The following LRCH2 variants were observed in gnomAD, a reference collection of about 807,000 sequenced individuals.
LRCH2 encodes the protein leucine rich repeats and calponin homology domain containing 2.
Under a neutral mutation model 68.9 loss-of-function variants are expected in LRCH2, and 38 were observed. The ratio of observed to expected loss-of-function variants is 0.55; its 90% CI spans 0.43 to 0.72. The LOEUF (loss-of-function observed/expected upper bound fraction) is 0.72, where lower values mean the gene tolerates loss of function less well. Ranked by LOEUF, LRCH2 falls within the 30% of genes least tolerant of loss-of-function variation. The probability of loss-of-function intolerance (pLI) is 0.00; values close to 1 mark genes in which losing one functional copy is unlikely to be tolerated. For missense variants in LRCH2, 528 were observed against 572.9 expected (o/e 0.92, Z 0.80); for synonymous variants, 191 against 208.1 (o/e 0.92, Z 0.71).
At chrX:115,220,913 C>A (rs1162836770) in intron 1 of LRCH2, among the ~76,000 whole-genome samples, 1 of 108,979 alleles carries the variant, frequency 9.2e-6, no homozygotes, top group African/African-American at 3.3e-5. Flanking sequence ...ACCGGCCAGG[C>A]GCAGTGGCTC....
Position 115,170,987 on chromosome X carries a change from A to C in LRCH2, c.865-555T>G, listed in dbSNP as rs782687731. Reference sequence around the variant, plus strand: ...TCAATTCAACTAGAATAATATCCTAAGAAATTACTTTCGTTGGCCATAGAG... The same window carrying C: ...TCAATTCAACTAGAATAATATCCTACGAAATTACTTTCGTTGGCCATAGAG... On this transcript the variant is annotated intron_variant, in intron 5 of 20. Coordinates refer to ENST00000317135, the MANE Select transcript of LRCH2 (RefSeq NM_020871.4). Among the ~76,000 whole-genome samples, 281 of 111,570 alleles carry C rather than the reference A, an allele frequency of 2.5e-3. 1 individual carries two copies. Among genetic ancestry groups the C allele is most frequent in the African/African-American group, 6.7e-3 (208 of 30,858 alleles).
intron 20 of LRCH2, among the ~76,000 whole-genome samples, chrX:115,118,389 C>T (rs1414453237): frequency 3.6e-5 from 4 of 109,971 alleles, no homozygotes; most frequent in African/African-American, 1.3e-4. Context: ...ACTACAAACA[C>T]CTCTACGCAA....
At chrX:115,203,293 A>G (rs1439780512) in intron 1 of LRCH2, among the ~76,000 whole-genome samples, 1 of 112,098 alleles carries the variant, frequency 8.9e-6, no homozygotes, top group African/African-American at 3.2e-5. Flanking sequence ...CATGGCAATT[A>G]TAATTCAATA....
chrX:115,141,048 C>T (rs781846632), intron 14 of LRCH2, among the ~76,000 whole-genome samples: 9 of 106,464 alleles, frequency 8.5e-5, no homozygotes, highest in Non-Finnish European at 1.5e-4. Flanking sequence ...CTGGCTAACA[C>T]GGTGAAACCC....
At chrX:115,135,687 GCTAT>G (rs1556531772) in intron 14 of LRCH2, among the ~76,000 whole-genome samples, 2 of 111,401 alleles carry the variant, frequency 1.8e-5, no homozygotes, top group African/African-American at 6.5e-5. Context: ...TACGTAAAAT[GCTAT>G]CTAACAGCAT....
At chrX:115,214,116 T>C (rs1384726447) in intron 1 of LRCH2, among the ~76,000 whole-genome samples, 1 of 112,343 alleles carries the variant, frequency 8.9e-6, no homozygotes, top group Admixed American at 9.5e-5. Flanking sequence ...AAATTAAATG[T>C]TCTCTGTTCT....
rs782161295 is a variant in LRCH2 at position 115,123,089 on chromosome X, T to A, written c.1953A>T (p.Gln651His). 12 of 1,205,450 alleles carry A rather than the reference T, an allele frequency of 1.0e-5. No homozygotes were observed. In the African/African-American group the frequency reaches 2.1e-4, roughly 21 times the overall value. ...GAGCAATCTGACTTACGTTGCGAAG[T>A]TGTCGTATTTGCTCTCGCTCTTCCC... ...HLREEREQIR[Q>H]LRNNLESRLK... The change falls in exon 18 of 21, where the codon CAA becomes CAT. Residue 651 changes from glutamine to histidine, a missense_variant. By Grantham distance (24) the Gln-to-His change is conservative. Transcript: ENST00000317135.
chrX:115,204,877 T>C (rs1336125759), intron 1 of LRCH2, among the ~76,000 whole-genome samples: 2 of 111,933 alleles, frequency 1.8e-5, no homozygotes, highest in Admixed American at 1.9e-4. Flanking sequence ...CTCTGCCCAT[T>C]ACCCAGTTCC....
intron 1 of LRCH2, among the ~76,000 whole-genome samples, chrX:115,196,961 G>A (rs1396945022): frequency 9.1e-6 from 1 of 110,108 alleles, no homozygotes; most frequent in Non-Finnish European, 1.9e-5. Context: ...ACCTGATGAT[G>A]GGCCCATCAG....
At chrX:115,164,740 A>G (rs1199325918) in intron 10 of LRCH2, among the ~76,000 whole-genome samples, 1 of 111,172 alleles carries the variant, frequency 9.0e-6, no homozygotes, top group East Asian at 2.8e-4. Flanking sequence ...ACCCTACAGG[A>G]TTTTAATGAA....
intron 20 of LRCH2, among the ~76,000 whole-genome samples, chrX:115,118,142 T>C (rs1329641353): frequency 2.7e-5 from 3 of 109,563 alleles, no homozygotes; most frequent in African/African-American, 9.9e-5. Flanking sequence ...AGCTCAGGAG[T>C]TCCAGTCCAG....
rs782063277 is a variant in LRCH2 at position 115,147,155 on chromosome X, G to A, written c.1695+2672C>T. 8.1e-5 allele frequency among the ~76,000 whole-genome samples: 9 copies of A among 111,424 alleles called. No homozygotes were observed. In the East Asian group the frequency reaches 2.5e-3, roughly 31 times the overall value. ...ATCTGATATAAACCTCAAGTGTAGT[G>A]TATTTTACTGTTTAATGAACTATAA... On this transcript the variant is annotated intron_variant, in intron 14 of 20. Coordinates refer to ENST00000317135, the MANE Select transcript of LRCH2 (RefSeq NM_020871.4).
At chrX:115,114,203 G>A (rs1018445481) in intron 20 of LRCH2, among the ~76,000 whole-genome samples, 1 of 111,276 alleles carries the variant, frequency 9.0e-6, no homozygotes, top group Non-Finnish European at 1.9e-5. Flanking sequence ...TGACAAACCT[G>A]TGAAATATAA....
chrX:115,140,884 CAT>C (rs1297166590), intron 14 of LRCH2, among the ~76,000 whole-genome samples: 1 of 111,025 alleles, frequency 9.0e-6, no homozygotes, highest in Non-Finnish European at 1.9e-5. Flanking sequence ...AATAAAAAGA[CAT>C]AGAATGGCTG....
At position 115,183,879 on chromosome X, in the gene LRCH2, T is replaced by C. The variant is rs190465110; in HGVS notation, c.621+532A>G. Among the ~76,000 whole-genome samples the C allele has an allele frequency of 4.5e-5, 5 of 112,228 alleles. No individual in the cohort carries two copies. The East Asian group carries it at 1.4e-3, about 31-fold the overall frequency. ...GTCCTTTAATACCTAAAATGTTATG[T>C]CCAAGGTAATTAATTTAAATTATTC... is the stretch of plus-strand genomic sequence containing the variant. On this transcript the variant is annotated intron_variant, in intron 3 of 20. Coordinates refer to ENST00000317135, the MANE Select transcript of LRCH2 (RefSeq NM_020871.4).
In LRCH2 at chrX:115,188,384, A is replaced by C. The variant is rs889681926; in HGVS notation, c.350-14T>G. 3 of 1,133,235 alleles carry C rather than the reference A, an allele frequency of 2.6e-6. No homozygotes were observed. 93.4% of individuals were successfully genotyped at this position (1,133,235 alleles called of 1,213,427 possible). On this transcript the variant is annotated splice_polypyrimidine_tract_variant and intron_variant, in intron 1 of 20. Coordinates refer to ENST00000317135, the MANE Select transcript of LRCH2 (RefSeq NM_020871.4). ...TTCTGGAAAGATCTGAAAAGAAAAT[A>C]GTGAGTATTAAACATATACCTATAT...
intron 1 of LRCH2, among the ~76,000 whole-genome samples, chrX:115,228,098 G>A (rs1238437983): frequency 2.7e-5 from 3 of 112,338 alleles, no homozygotes; most frequent in Non-Finnish European, 5.6e-5. Context: ...CAAGAGAAAT[G>A]TAAAGATTAA....
At chrX:115,200,538 GAT>G (rs1603089251) in intron 1 of LRCH2, among the ~76,000 whole-genome samples, 1 of 108,928 alleles carries the variant, frequency 9.2e-6, no homozygotes. Context: ...AGAGGAAAGA[GAT>G]AAATTCCTGG....
intron 17 of LRCH2, among the ~76,000 whole-genome samples, chrX:115,123,488 T>C (rs2072161463): frequency 8.9e-6 from 1 of 112,207 alleles, no homozygotes; most frequent in African/African-American, 3.2e-5. Context: ...CAGCCTTTTA[T>C]CTTTTAAAAA....
Sources: gnomAD v4.1 joint callset for allele counts (sites outside exome capture counted in the v4.1 genomes callset) on GRCh38, gnomAD v4.1.1 for gene constraint, MANE v1.5 for transcripts, NCBI Gene and HGNC (gene_info 2026-07-23, HGNC 2026-07-21) for gene names.